Variants in TTC9 observed in about 807,000 individuals in gnomAD.
TTC9 encodes the protein tetratricopeptide repeat domain 9, also known as tetratricopeptide repeat protein 9A.
In TTC9, 13 loss-of-function variants were observed where a neutral mutation model predicts 22.9. The observed-to-expected ratio is 0.57, with a 90% CI of 0.37 to 0.90. The LOEUF is 0.90. Ranked by LOEUF, TTC9 falls within the 40% of genes least tolerant of loss-of-function variation. TTC9 has a pLI of 0.01. For synonymous variants in TTC9, 148 were observed against 133.2 expected (o/e 1.11, Z -0.77); for missense variants, 280 against 291.8 (o/e 0.96, Z 0.29).
intron 1 of TTC9, among the ~76,000 whole-genome samples, chr14:70,666,336 C>G (rs1235729738): frequency 6.6e-6 from 1 of 152,138 alleles, no homozygotes; most frequent in African/African-American, 2.4e-5. Flanking sequence ...CCTGCCATAG[C>G]TTCCTCTTGC....
intron 2 of TTC9, among the ~76,000 whole-genome samples, chr14:70,669,155 A>T (rs540995662): frequency 2.0e-5 from 3 of 152,190 alleles, no homozygotes; most frequent in African/African-American, 7.2e-5. Context: ...GACTGTCTCA[A>T]AAAAAATAAA....
At chr14:70,665,213 G>T (rs570169629) in intron 1 of TTC9, among the ~76,000 whole-genome samples, 6 of 152,194 alleles carry the variant, frequency 3.9e-5, no homozygotes, top group African/African-American at 1.4e-4. Flanking sequence ...TGCTAGGCCC[G>T]GTCAGAGAGG....
At position 70,672,463 on chromosome 14, in the gene TTC9, C is replaced by T. The variant is rs1402992444; in HGVS notation, c.*1308C>T. 1 of 152,168 alleles carries T rather than the reference C, an allele frequency of 6.6e-6. No individual in the cohort carries two copies. The highest frequency in any genetic ancestry group is 1.9e-4 in the East Asian group (1 of 5,206). 9.4% of individuals were successfully genotyped at this position (152,168 alleles called of 1,614,324 possible). On this transcript the variant is annotated 3_prime_UTR_variant, in exon 3 of 3. Coordinates refer to ENST00000256367, the MANE Select transcript of TTC9 (RefSeq NM_015351.2). Reference sequence around the variant, plus strand: ...ACTTACTGAGGGCATATTGTTTGCCCATCATTGTGCAATATGCTGTGGGAC... The same window carrying T: ...ACTTACTGAGGGCATATTGTTTGCCTATCATTGTGCAATATGCTGTGGGAC...
At chr14:70,644,775 T>C (rs894600862) in intron 1 of TTC9, among the ~76,000 whole-genome samples, 7 of 152,202 alleles carry the variant, frequency 4.6e-5, no homozygotes, top group African/African-American at 1.7e-4. Flanking sequence ...AGCAAAGCAA[T>C]TTTGTCAAAG....
intron 2 of TTC9, 69 bp from the exon 3 acceptor site, chr14:70,671,007 G>A: frequency 1.5e-5 from 22 of 1,473,914 alleles, no homozygotes; most frequent in Non-Finnish European, 2.1e-5. Flanking sequence ...CACAGCCTTT[G>A]CTAATTCCTT....
At chr14:70,663,710 T>G (rs868071360) in intron 1 of TTC9, among the ~76,000 whole-genome samples, 42 of 145,532 alleles carry the variant, frequency 2.9e-4, no homozygotes, top group Middle Eastern at 7.0e-3. Context: ...CCCAGGTGGG[T>G]GGGGGGGCGG....
At chr14:70,648,355 A>T (rs1200367902) in intron 1 of TTC9, among the ~76,000 whole-genome samples, 1 of 152,240 alleles carries the variant, frequency 6.6e-6, no homozygotes, top group Non-Finnish European at 1.5e-5. Flanking sequence ...TTACAAATTT[A>T]GACACTGGGC....
At chr14:70,646,717 G>A (rs567486577) in intron 1 of TTC9, among the ~76,000 whole-genome samples, 2 of 152,298 alleles carry the variant, frequency 1.3e-5, no homozygotes, top group East Asian at 3.9e-4. Context: ...ATGTTTAGGA[G>A]ATTTTTGTTG....
At chr14:70,645,016 G>T (rs1336764352) in intron 1 of TTC9, among the ~76,000 whole-genome samples, 1 of 152,186 alleles carries the variant, frequency 6.6e-6, no homozygotes, top group African/African-American at 2.4e-5. Flanking sequence ...GGAGGCTGAG[G>T]CAGGAGAATG....
At chr14:70,648,469 C>G (rs1317524378) in intron 1 of TTC9, among the ~76,000 whole-genome samples, 1 of 152,196 alleles carries the variant, frequency 6.6e-6, no homozygotes. Flanking sequence ...AAATCAGAGT[C>G]CCTACAGCCA....
chr14:70,650,401 C>T (rs569364050), intron 1 of TTC9, among the ~76,000 whole-genome samples: 5 of 149,656 alleles, frequency 3.3e-5, no homozygotes, highest in Non-Finnish European at 5.9e-5. Flanking sequence ...CCAGCCTGGG[C>T]GACAGAGCAG....
intron 1 of TTC9, among the ~76,000 whole-genome samples, chr14:70,649,894 G>A (rs1885955778): frequency 6.6e-6 from 1 of 152,128 alleles, no homozygotes; most frequent in African/African-American, 2.4e-5. Flanking sequence ...TCTGAAACCA[G>A]GTCATTGTTT....
At chr14:70,670,108 A>C (rs1886271045) in intron 2 of TTC9, among the ~76,000 whole-genome samples, 1 of 152,250 alleles carries the variant, frequency 6.6e-6, no homozygotes. Flanking sequence ...CATTGTTTTA[A>C]GCACTTTTAG....
chr14:70,670,628 G>A (rs953486042), intron 2 of TTC9, among the ~76,000 whole-genome samples: 6 of 151,786 alleles, frequency 4.0e-5, no homozygotes, highest in East Asian at 3.9e-4. Flanking sequence ...CAGCCTGGGC[G>A]AACAGGACAA....
At chr14:70,666,445 T>C (rs949219455) in intron 1 of TTC9, among the ~76,000 whole-genome samples, 1 of 152,064 alleles carries the variant, frequency 6.6e-6, no homozygotes, top group African/African-American at 2.4e-5. Flanking sequence ...CAGAGACAAA[T>C]ATACATGAAA....
At chr14:70,670,809 G>C (rs1886283317) in intron 2 of TTC9, among the ~76,000 whole-genome samples, 1 of 152,084 alleles carries the variant, frequency 6.6e-6, no homozygotes, top group African/African-American at 2.4e-5. Flanking sequence ...TGCATAGAAA[G>C]AGGGAGAGAA....
intron 1 of TTC9, among the ~76,000 whole-genome samples, chr14:70,651,287 T>G (rs1042354896): frequency 1.3e-4 from 20 of 152,212 alleles, no homozygotes; most frequent in Non-Finnish European, 2.9e-5. Context: ...CAGCCTAACT[T>G]TTTACTTTAA....
At chr14:70,662,951 G>C (rs778614418) in intron 1 of TTC9, among the ~76,000 whole-genome samples, 3 of 152,204 alleles carry the variant, frequency 2.0e-5, no homozygotes, top group Admixed American at 1.3e-4. Flanking sequence ...GTGGACAGCA[G>C]AGAGAAAATA....
intron 1 of TTC9, among the ~76,000 whole-genome samples, chr14:70,662,570 A>T (rs1886159540): frequency 2.0e-5 from 3 of 152,266 alleles, no homozygotes; most frequent in Non-Finnish European, 4.4e-5. Context: ...AAGAGGAGCC[A>T]GTGAAACAAT....
Sources: allele counts gnomAD v4.1 joint callset (sites outside exome capture counted in the v4.1 genomes callset), GRCh38; gene constraint gnomAD v4.1.1; transcripts MANE v1.5; gene names NCBI Gene and HGNC (gene_info 2026-07-23, HGNC 2026-07-21).